Variants in ERGIC1 observed in about 807,000 individuals in gnomAD.
ERGIC1 encodes the protein endoplasmic reticulum-Golgi intermediate compartment protein 1.
In ERGIC1, 19 loss-of-function variants were observed where a neutral mutation model predicts 38.3. The observed-to-expected ratio is 0.50, with a 90% confidence interval of 0.35 to 0.73. The LOEUF is 0.73. Ranked by LOEUF, ERGIC1 falls within the 30% of genes least tolerant of loss-of-function variation. ERGIC1 has a pLI of 0.01. For missense variants in ERGIC1, 294 were observed against 389.2 expected, an observed-to-expected ratio of 0.76 and a Z score of 2.06; for synonymous variants, 124 against 157.6, an observed-to-expected ratio of 0.79 and a Z score of 1.60.
chr5:172,950,448 T>C (rs1193701770), intron 9 of ERGIC1, among the ~76,000 whole-genome samples: 2 of 152,192 alleles, frequency 1.3e-5, no homozygotes, highest in African/African-American at 4.8e-5. Context: ...CCCTTCCTCA[T>C]TCAGAGGGTG....
At chr5:172,841,217 C>T (rs906953499) in intron 1 of ERGIC1, among the ~76,000 whole-genome samples, 3 of 152,190 alleles carry the variant, frequency 2.0e-5, no homozygotes, top group African/African-American at 4.8e-5. Context: ...AAACCTCCAA[C>T]GCTGGCTGTC....
At chr5:172,878,975 A>G (rs1338145259) in intron 1 of ERGIC1, among the ~76,000 whole-genome samples, 3 of 152,178 alleles carry the variant, frequency 2.0e-5, no homozygotes, top group Admixed American at 6.5e-5. Context: ...AGTTTCATCT[A>G]AAAGCCTCGA....
intron 9 of ERGIC1, among the ~76,000 whole-genome samples, chr5:172,945,949 G>T (rs1164226047): frequency 6.6e-6 from 1 of 152,208 alleles, no homozygotes; most frequent in African/African-American, 2.4e-5. Context: ...CTCCCAAAGT[G>T]CAGGGGTTGC....
rs976486572 is a variant in ERGIC1 at position 172,834,301 on chromosome 5, G to C, written c.-113G>C. 64 of 1,041,214 alleles carry C rather than the reference G, an allele frequency of 6.1e-5. No homozygotes were observed. The Admixed American group carries it at 8.8e-4, about 14-fold the overall frequency. The allele number at this position is 1,041,214 out of a possible 1,614,324, so 64.5% of individuals were successfully genotyped here. A position where few individuals can be genotyped will look rare whatever the true frequency, so the allele number is the denominator to read the frequency against. On this transcript the variant is annotated 5_prime_UTR_variant, in exon 1 of 10. Transcript: ENST00000393784. The surrounding 1 kb of genome is among the most constrained non-coding windows in gnomAD (Gnocchi z 4.1). ...GCGAGTGGCGAGTGGCGAGTGTCAG[G>C]GGGGCGGCCGGCGGGGGCGGGGCGG...
chr5:172,896,983 T>C lies in ERGIC1; in HGVS notation c.83-19T>C. 1.2e-6 allele frequency: 2 copies of C among 1,613,232 alleles called. No individual in the cohort carries two copies. The highest frequency in any genetic ancestry group is 1.1e-5 in the South Asian group (1 of 91,050). On this transcript the variant is annotated intron_variant, in intron 2 of 9. Transcript: ENST00000393784. ...TGCCCACCACCCTTAACAGTTTGCATTTCTGTTGTTTCTTCCAGTCTCCAT... is the reference window on the plus strand; with the variant it reads ...TGCCCACCACCCTTAACAGTTTGCACTTCTGTTGTTTCTTCCAGTCTCCAT...
chr5:172,886,740 A>G (rs1025415446), intron 1 of ERGIC1, among the ~76,000 whole-genome samples: 4 of 152,164 alleles, frequency 2.6e-5, no homozygotes, highest in African/African-American at 9.7e-5. Context: ...CCCCCACTTT[A>G]TAGACAAAGA....
At chr5:172,891,344 T>C (rs1311065147) in intron 2 of ERGIC1, among the ~76,000 whole-genome samples, 1 of 152,146 alleles carries the variant, frequency 6.6e-6, no homozygotes, top group Non-Finnish European at 1.5e-5. Context: ...AGTGGCTCCA[T>C]CCTCTTCCCT....
chr5:172,923,921 C>G (rs1200678392), intron 5 of ERGIC1, 84 bp from the exon 6 acceptor site: 4 of 1,227,420 alleles, frequency 3.3e-6, no homozygotes, highest in Non-Finnish European at 4.7e-6. Flanking sequence ...CCAGTGTCCT[C>G]CCTGGATCAC....
intron 6 of ERGIC1, among the ~76,000 whole-genome samples, chr5:172,925,255 A>C (rs1462676460): frequency 6.6e-6 from 1 of 152,138 alleles, no homozygotes; most frequent in Admixed American, 6.5e-5. Flanking sequence ...AAAAAATAAA[A>C]ATAAAAATAA....
rs765018834 is a variant in ERGIC1, at chr5:172,909,793, A to G, written c.250+32A>G. On this transcript the variant is annotated intron_variant, in intron 4 of 9. Coordinates refer to ENST00000393784, the MANE Select transcript of ERGIC1 (RefSeq NM_001031711.3). ...ACTCCACGCAGCCCCTCCCTCCAGCAGGACACCTCCTTAGGGCAAATGTGT... is the reference window on the plus strand; with the variant it reads ...ACTCCACGCAGCCCCTCCCTCCAGCGGGACACCTCCTTAGGGCAAATGTGT... 8.8e-6 allele frequency: 14 copies of G among 1,586,602 alleles called. No individual in the cohort carries two copies. The East Asian group carries it at 3.1e-4, about 35-fold the overall frequency.
At chr5:172,946,225 G>A (rs1764118421) in intron 9 of ERGIC1, among the ~76,000 whole-genome samples, 1 of 152,122 alleles carries the variant, frequency 6.6e-6, no homozygotes, top group South Asian at 2.1e-4. Context: ...AGCTCTCCTC[G>A]CTCCTCTGTG....
chr5:172,855,756 C>T (rs539801430), intron 1 of ERGIC1, among the ~76,000 whole-genome samples: 26 of 152,282 alleles, frequency 1.7e-4, no homozygotes, highest in Admixed American at 1.0e-3. Flanking sequence ...AGCCTTCGGG[C>T]ACGGTGAGGA....
At chr5:172,948,325 C>T (rs546980404) in intron 9 of ERGIC1, among the ~76,000 whole-genome samples, 1 of 152,328 alleles carries the variant, frequency 6.6e-6, no homozygotes, top group African/African-American at 2.4e-5. Context: ...TGGTTTGATT[C>T]GCACTTCCCT....
intron 1 of ERGIC1, among the ~76,000 whole-genome samples, chr5:172,869,709 G>T (rs1761955949): frequency 6.6e-6 from 1 of 152,180 alleles, no homozygotes; most frequent in South Asian, 2.1e-4. Context: ...ATAAGTTTTT[G>T]GTAGACTGCA....
rs116833203 is a variant in ERGIC1, at chr5:172,852,667, G to A, written c.20+18234G>A. 5.9e-3 allele frequency among the ~76,000 whole-genome samples: 899 copies of A among 152,346 alleles called. 9 individuals carry two copies. The highest frequency in any genetic ancestry group is 0.048 in the Middle Eastern group (14 of 294). On this transcript the variant is annotated intron_variant, in intron 1 of 9. Coordinates refer to ENST00000393784, the MANE Select transcript of ERGIC1 (RefSeq NM_001031711.3). The stretch of plus-strand genomic sequence containing the variant: ...TGAGCAGGGTCTTCCTCTTGGGTCT[G>A]AACCTCAGCTCTCCTACTTGAAGCC...
intron 5 of ERGIC1, chr5:172,917,276 A>T (rs1287570740): frequency 6.6e-6 from 1 of 152,322 alleles, no homozygotes; most frequent in Non-Finnish European, 1.5e-5. Flanking sequence ...TGGGGTTCCC[A>T]TTAGGTGTCT....
chr5:172,931,886 T>C (rs1022443321), intron 7 of ERGIC1, among the ~76,000 whole-genome samples: 3 of 127,242 alleles, frequency 2.4e-5, no homozygotes, highest in Non-Finnish European at 4.8e-5. Flanking sequence ...TGAGACAGAG[T>C]CTTGCTCTAT....
At chr5:172,908,311 G>C (rs1561729563) in intron 3 of ERGIC1, among the ~76,000 whole-genome samples, 1 of 31,708 alleles carries the variant, frequency 3.2e-5, no homozygotes, top group Admixed American at 2.5e-4. Context: ...GGGGGCGGGG[G>C]GGGGGGGAGA....
At chr5:172,896,440 C>T (rs572339867) in intron 2 of ERGIC1, among the ~76,000 whole-genome samples, 5 of 152,302 alleles carry the variant, frequency 3.3e-5, no homozygotes, top group Admixed American at 1.3e-4. Context: ...ACAGGGGCAC[C>T]GTGTGGATGG....
Sources: allele counts gnomAD v4.1 joint callset (sites outside exome capture counted in the v4.1 genomes callset), GRCh38; gene constraint gnomAD v4.1.1; non-coding constraint Gnocchi (gnomAD v3.1); transcripts MANE v1.5; gene names NCBI Gene and HGNC (gene_info 2026-07-23, HGNC 2026-07-21).